The following AKR1C8 variants were observed in gnomAD, a reference collection of about 807,000 sequenced individuals.
The protein encoded by AKR1C8 is aldo-keto reductase family 1 member C8, also known as aldo-keto reductase family 1 member C-like protein 1.
the AKR1C8 span, among the ~76,000 whole-genome samples, chr10:5,136,260 T>C: frequency 6.6e-6 from 1 of 152,164 alleles, no homozygotes; most frequent in African/African-American, 2.4e-5. Context: ...TTGAATGTAA[T>C]GATTGGGCCA....
chr10:5,134,605 T>C, the AKR1C8 span, among the ~76,000 whole-genome samples: 1 of 152,168 alleles, frequency 6.6e-6, no homozygotes, highest in South Asian at 2.1e-4. Context: ...GAGGTGAAAG[T>C]TGTACATGGG....
chr10:5,179,120 T>C, the AKR1C8 span, among the ~76,000 whole-genome samples: 2 of 152,214 alleles, frequency 1.3e-5, no homozygotes, highest in Non-Finnish European at 2.9e-5. Flanking sequence ...CTGGTACTGG[T>C]TGTTCCTTTC....
At chr10:5,179,075 G>A in the AKR1C8 span, among the ~76,000 whole-genome samples, 305 of 152,228 alleles carry the variant, frequency 2.0e-3, 1 homozygote, top group African/African-American at 7.1e-3. Context: ...TCCTAGCCTC[G>A]ATGGTCTTTA....
chr10:5,124,346 A>G, the AKR1C8 span, among the ~76,000 whole-genome samples: 1 of 152,138 alleles, frequency 6.6e-6, no homozygotes, highest in Non-Finnish European at 1.5e-5. Context: ...GAGCAAAAAT[A>G]TTTGCCTCCA....
chr10:5,145,597 A>G, the AKR1C8 span, among the ~76,000 whole-genome samples: 1 of 152,244 alleles, frequency 6.6e-6, no homozygotes, highest in Non-Finnish European at 1.5e-5. Context: ...ACATGAAAAA[A>G]TGCTCATCAT....
At chr10:5,158,631 T>A in the AKR1C8 span, 1 of 481,934 alleles carries the variant, frequency 2.1e-6, no homozygotes, top group African/African-American at 2.0e-5. Context: ...CCCAGGGCAC[T>A]GTAGGCAACT....
At chr10:5,157,209 G>A in the AKR1C8 span, among the ~76,000 whole-genome samples, 1 of 36,070 alleles carries the variant, frequency 2.8e-5, no homozygotes, top group South Asian at 4.9e-4. Context: ...AGTCATGCCA[G>A]GCCAGGGGCT....
chr10:5,151,872 A>T, the AKR1C8 span, among the ~76,000 whole-genome samples: 43 of 151,982 alleles, frequency 2.8e-4, no homozygotes, highest in African/African-American at 8.5e-4. Context: ...GAGTTTTATA[A>T]CACCTTATTC....
At chr10:5,123,585 G>T in the AKR1C8 span, 1 of 887,766 alleles carries the variant, frequency 1.1e-6, no homozygotes, top group South Asian at 2.1e-5. Flanking sequence ...CTGGGATCTC[G>T]TCAGAAATGC....
the AKR1C8 span, chr10:5,161,992 CA>C: frequency 1.9e-6 from 1 of 525,278 alleles, no homozygotes; most frequent in South Asian, 1.4e-5. Flanking sequence ...CCAAAAGAAA[CA>C]AAAATGGATT....
At chr10:5,132,961 C>G in the AKR1C8 span, among the ~76,000 whole-genome samples, 2 of 152,174 alleles carry the variant, frequency 1.3e-5, no homozygotes, top group Non-Finnish European at 2.9e-5. Context: ...CCCTGGACCT[C>G]TTCAATCCCA....
the AKR1C8 span, among the ~76,000 whole-genome samples, chr10:5,136,684 C>T: frequency 6.6e-6 from 1 of 152,112 alleles, no homozygotes; most frequent in Non-Finnish European, 1.5e-5. Flanking sequence ...ATTTCCACAT[C>T]AAAAGGACAA....
chr10:5,169,738 C>G, the AKR1C8 span, among the ~76,000 whole-genome samples: 1 of 151,766 alleles, frequency 6.6e-6, no homozygotes, highest in Non-Finnish European at 1.5e-5. Context: ...GTGAGTGAAG[C>G]ATTTCTCACG....
chr10:5,118,145 C>CA, the AKR1C8 span, among the ~76,000 whole-genome samples: 4 of 152,190 alleles, frequency 2.6e-5, no homozygotes, highest in Non-Finnish European at 5.9e-5. Context: ...CCTATGAAGT[C>CA]AAAAATAAGT....
At chr10:5,173,792 A>G in the AKR1C8 span, among the ~76,000 whole-genome samples, 30,902 of 151,842 alleles carry the variant, frequency 0.2, 3,993 homozygotes, top group East Asian at 0.64. Context: ...CTAAAGATTG[A>G]TATTGAAACT....
chr10:5,163,482 C>T, the AKR1C8 span, among the ~76,000 whole-genome samples: 1 of 152,150 alleles, frequency 6.6e-6, no homozygotes, highest in East Asian at 1.9e-4. Flanking sequence ...TCCCTGTGAC[C>T]AGTGTGACAC....
chr10:5,172,395 G>C, the AKR1C8 span, among the ~76,000 whole-genome samples: 1 of 151,928 alleles, frequency 6.6e-6, no homozygotes, highest in Admixed American at 6.6e-5. Context: ...AAATATTAAA[G>C]GTAACAGTTC....
the AKR1C8 span, among the ~76,000 whole-genome samples, chr10:5,125,986 C>T: frequency 4.6e-5 from 7 of 152,164 alleles, no homozygotes; most frequent in Admixed American, 2.6e-4. Context: ...GACAACATCC[C>T]GTAGCACAAA....
the AKR1C8 span, among the ~76,000 whole-genome samples, chr10:5,133,482 T>C: frequency 6.6e-6 from 1 of 152,140 alleles, no homozygotes; most frequent in African/African-American, 2.4e-5. Context: ...GTTCCTATGA[T>C]TCCTCTCTCA....
Sources: gnomAD v4.1 joint callset for allele counts (sites outside exome capture counted in the v4.1 genomes callset) on GRCh38, gnomAD v4.1.1 for gene constraint, MANE v1.5 for transcripts, NCBI Gene and HGNC (gene_info 2026-07-23, HGNC 2026-07-21) for gene names.